SAP30BP: variants seen among roughly 807,000 people sequenced by gnomAD.
SAP30BP encodes the protein SAP30 binding protein, also known as SAP30-binding protein.
In SAP30BP, 31 loss-of-function variants were observed where a neutral mutation model predicts 46.3. That is an observed-to-expected ratio of 0.67 (90% CI 0.50 to 0.90). The LOEUF (loss-of-function observed/expected upper bound fraction) is 0.90, where lower values mean the gene tolerates loss of function less well. Ranked by LOEUF, SAP30BP falls within the 40% of genes least tolerant of loss-of-function variation. The pLI is 0.00. For synonymous variants in SAP30BP, 169 were observed against 144.2 expected (o/e 1.17, Z -1.23); for missense variants, 312 against 391.0 (o/e 0.80, Z 1.70).
chr17:75,682,961 CA>C (rs770262344), intron 3 of SAP30BP, among the ~76,000 whole-genome samples: 1,546 of 64,158 alleles, frequency 0.024, 8 homozygotes, highest in Non-Finnish European at 0.028. Context: ...GACTTCGTCT[CA>C]AAAAAAAAAA....
intron 4 of SAP30BP, among the ~76,000 whole-genome samples, chr17:75,694,591 G>A (rs2060287069): frequency 2.0e-5 from 3 of 151,184 alleles, no homozygotes; most frequent in African/African-American, 7.3e-5. Flanking sequence ...GGCAGAGGAA[G>A]CAGAGTGTGC....
chr17:75,677,755 C>CCT (rs2060014364), intron 3 of SAP30BP, among the ~76,000 whole-genome samples: 1 of 119,264 alleles, frequency 8.4e-6, no homozygotes, highest in Non-Finnish European at 1.7e-5. Context: ...ACACCCAGCC[C>CCT]TTTTTTTTTT....
At chr17:75,680,309 GCGTGTATAACC>G (rs2060057450) in intron 3 of SAP30BP, among the ~76,000 whole-genome samples, 1 of 152,254 alleles carries the variant, frequency 6.6e-6, no homozygotes, top group South Asian at 2.1e-4. Flanking sequence ...TTTTAAAAAG[GCGTGTATAACC>G]CCAGTTAAGA....
rs1359504554 is a variant in SAP30BP at position 75,699,856 on chromosome 17, T to C, written c.381T>C (p.Cys127=). ...IKIPPEPPGR[C]SNHLQDKIQK... is the part of the protein sequence containing the mutation. ...TCCCGCCAGAACCCCCTGGCAGATG[T>C]TCAAATCACTTGCAAGTAAGCATGA... Residue 127 remains cysteine, a synonymous_variant, in exon 5 of 11, where the codon TGT becomes TGC. Coordinates refer to ENST00000584667, the MANE Select transcript of SAP30BP (RefSeq NM_013260.8). The C allele has an allele frequency of 1.2e-6, 2 of 1,612,440 alleles. No individual in the cohort carries two copies. The highest frequency in any genetic ancestry group is 3.3e-5 in the Admixed American group (2 of 59,990).
At chr17:75,689,617 G>T (rs2060213329) in intron 3 of SAP30BP, among the ~76,000 whole-genome samples, 1 of 152,216 alleles carries the variant, frequency 6.6e-6, no homozygotes, top group Admixed American at 6.5e-5. Context: ...CTGGTGACTA[G>T]ACATCCAGGA....
chr17:75,671,786 G>T, intron 2 of SAP30BP, 30 bp from the exon 3 acceptor site: 1 of 1,600,190 alleles, frequency 6.2e-7, no homozygotes, highest in South Asian at 1.1e-5. Context: ...GCTCCTTTAA[G>T]CTTAATCCTC....
At chr17:75,705,519 G>T in intron 9 of SAP30BP, 1 of 637,262 alleles carries the variant, frequency 1.6e-6, no homozygotes, top group Non-Finnish European at 2.0e-6. Context: ...AGGAACGTGG[G>T]AGCTGGTGCA....
chr17:75,668,468 T>G (rs1291338502), intron 1 of SAP30BP, 48 bp from the exon 2 acceptor site: 1 of 1,249,638 alleles, frequency 8.0e-7, no homozygotes. Flanking sequence ...TAACTCTTGT[T>G]TTTTTTTTCT....
chr17:75,685,444 TTTTGGCCCTCTAA>T (rs746782245), intron 3 of SAP30BP, among the ~76,000 whole-genome samples: 34 of 152,192 alleles, frequency 2.2e-4, no homozygotes, highest in Non-Finnish European at 4.6e-4. Flanking sequence ...CTTGCCTTCT[TTTTGGCCCTCTAA>T]GTAACTCAGT....
rs1267704023 is a variant in SAP30BP, at chr17:75,667,483, G to A, written c.106+5G>A. 6.2e-7 allele frequency: 1 copy of A among 1,613,816 alleles called. No individual in the cohort carries two copies. Among genetic ancestry groups the A allele is most frequent in the South Asian group, 1.1e-5 (1 of 91,074 alleles). The stretch of plus-strand genomic sequence containing the variant: ...AGGCGGTGGGCAGCGCGGCTGGTAA[G>A]GCCCAAGTGCGAAGCTGGAAGGGGG... On this transcript the variant is annotated splice_donor_5th_base_variant and intron_variant, in intron 1 of 10. Coordinates refer to ENST00000584667, the MANE Select transcript of SAP30BP (RefSeq NM_013260.8).
At position 75,702,503 on chromosome 17, in the gene SAP30BP, AC is replaced by A; in HGVS notation, c.421del (p.Arg141GlufsTer3). The A allele has an allele frequency of 1.9e-6, 3 of 1,580,676 alleles. No individual in the cohort carries two copies. Among genetic ancestry groups the A allele is most frequent in the Non-Finnish European group, 2.6e-6 (3 of 1,151,136 alleles). On this transcript the variant is annotated frameshift_variant, in exon 6 of 11. Transcript: ENST00000584667. LOFTEE classifies it high-confidence loss of function. The stretch of plus-strand genomic sequence containing the variant: ...AGGACAAGATCCAGAAGCTTTATGA[AC>A]GAAAGATAAAGGAGGGAATGGATAT... ...LQDKIQKLYE[R>X]KIKEGMDMNY...
At chr17:75,691,787 C>T in intron 3 of SAP30BP, 2 of 269,954 alleles carry the variant, frequency 7.4e-6, no homozygotes, top group Non-Finnish European at 1.5e-5. Flanking sequence ...CTACAATCAG[C>T]ACCCAGAAAG....
At chr17:75,701,678 T>G (rs1465492405) in intron 5 of SAP30BP, among the ~76,000 whole-genome samples, 1 of 152,226 alleles carries the variant, frequency 6.6e-6, no homozygotes, top group East Asian at 1.9e-4. Context: ...CAAAAAACTC[T>G]ATTCCCGCCT....
At chr17:75,687,949 TGTGTGTGAGAGA>T (rs1051653502) in intron 3 of SAP30BP, among the ~76,000 whole-genome samples, 97 of 97,440 alleles carry the variant, frequency 1.0e-3, no homozygotes, top group African/African-American at 1.9e-3. Context: ...TGTGTGTGTG[TGTGTGTGAGAGA>T]GACAGAGAGA....
At position 75,693,474 on chromosome 17, in the gene SAP30BP, A is replaced by G; in HGVS notation, c.299A>G (p.Glu100Gly). 1.2e-6 allele frequency: 2 copies of G among 1,614,020 alleles called. No individual in the cohort carries two copies. ...NTEAEKRDPQ[E>G]LVASFSERVR... ...GAAGCAGAAAAGCGAGACCCCCAGG[A>G]ACTCGTGGGTGAGTATTGGGGGATC... is the stretch of plus-strand genomic sequence containing the variant. The change falls in exon 4 of 11, where the codon GAA becomes GGA. Residue 100 changes from glutamate to glycine, a missense_variant. This residue lies in a region of SAP30BP where 296 missense variants were observed against 346.6 expected (regional missense o/e 0.85). Coordinates refer to ENST00000584667, the MANE Select transcript of SAP30BP (RefSeq NM_013260.8).
chr17:75,679,218 G>A (rs904377438), intron 3 of SAP30BP, among the ~76,000 whole-genome samples: 1 of 152,106 alleles, frequency 6.6e-6, no homozygotes, highest in Non-Finnish European at 1.5e-5. Flanking sequence ...GGATGGTCTC[G>A]ATCTCCTGAC....
chr17:75,675,492 C>G (rs2059977123), intron 3 of SAP30BP, among the ~76,000 whole-genome samples: 1 of 152,058 alleles, frequency 6.6e-6, no homozygotes, highest in South Asian at 2.1e-4. Flanking sequence ...TTCAGTAGTT[C>G]TCAAAACATT....
At chr17:75,686,983 A>G (rs971588246) in intron 3 of SAP30BP, among the ~76,000 whole-genome samples, 1 of 152,202 alleles carries the variant, frequency 6.6e-6, no homozygotes. Flanking sequence ...ACTCACATTG[A>G]TCTCAGAAAA....
At chr17:75,684,645 A>G (rs773622563) in intron 3 of SAP30BP, 7 of 152,104 alleles carry the variant, frequency 4.6e-5, no homozygotes, top group Admixed American at 3.9e-4. Context: ...CCTCAACAAC[A>G]CTAGGGTTGC....
Sources: gnomAD v4.1 joint callset for allele counts (sites outside exome capture counted in the v4.1 genomes callset) on GRCh38, gnomAD v4.1.1 for gene constraint, gnomAD v4.1.1 regional missense constraint, MANE v1.5 for transcripts, NCBI Gene and HGNC (gene_info 2026-07-23, HGNC 2026-07-21) for gene names.